KLHL5: variants seen among roughly 807,000 people sequenced by gnomAD.
The protein encoded by KLHL5 is kelch like family member 5.
A neutral mutation model predicts 77.7 loss-of-function variants in KLHL5; 48 were observed. That is an observed-to-expected ratio of 0.62 (90% confidence interval 0.49 to 0.79). KLHL5 has a LOEUF of 0.79. Among genes scored for constraint, KLHL5 ranks in the 30% least tolerant of loss-of-function variants. The pLI is 0.00. For synonymous variants in KLHL5, 260 were observed against 297.0 expected (o/e 0.88, Z 1.28); for missense variants, 723 against 859.7 (o/e 0.84, Z 1.99).
the KLHL5 span, among the ~76,000 whole-genome samples, chr4:39,139,622 G>A: frequency 6.6e-6 from 1 of 152,134 alleles, no homozygotes; most frequent in African/African-American, 2.4e-5. Flanking sequence ...AACGGGGGAA[G>A]GCTATGCATG....
At position 39,097,913 on chromosome 4, in the gene KLHL5, T is replaced by C. The variant is rs573072451; in HGVS notation, c.1300+1035T>C. 4.6e-5 allele frequency among the ~76,000 whole-genome samples: 7 copies of C among 152,100 alleles called. No homozygotes were observed. The East Asian group carries it at 1.4e-3, about 30-fold the overall frequency. Reference sequence around the variant, plus strand: ...TGGGAGGCCGAGGTGGGTGGATTGCTTAAGGTCAGGAGTTTAAGACCAGCA... The same window carrying C: ...TGGGAGGCCGAGGTGGGTGGATTGCCTAAGGTCAGGAGTTTAAGACCAGCA... On this transcript the variant is annotated intron_variant, in intron 6 of 10. Transcript: ENST00000504108.
At chr4:39,052,961 A>C (rs1180164963) in intron 1 of KLHL5, among the ~76,000 whole-genome samples, 1 of 151,774 alleles carries the variant, frequency 6.6e-6, no homozygotes, top group African/African-American at 2.4e-5. Flanking sequence ...GATCTCCACT[A>C]ATCTCCATTT....
intron 1 of KLHL5, among the ~76,000 whole-genome samples, chr4:39,057,200 T>A (rs1717063443): frequency 1.3e-5 from 2 of 152,216 alleles, no homozygotes; most frequent in Admixed American, 1.3e-4. Flanking sequence ...ATTCATTTTT[T>A]AAAATTTAAA....
chr4:39,128,805 G>GT (rs1723676085), downstream of KLHL5, among the ~76,000 whole-genome samples: 1 of 151,916 alleles, frequency 6.6e-6, no homozygotes, highest in African/African-American at 2.4e-5. Context: ...CTACAAATAT[G>GT]TTTTTTAAAA....
the KLHL5 span, among the ~76,000 whole-genome samples, chr4:39,136,493 G>T: frequency 2.0e-5 from 3 of 152,272 alleles, no homozygotes; most frequent in African/African-American, 7.2e-5. Flanking sequence ...AAGCCATTAG[G>T]TAGTGTATAG....
At chr4:39,109,409 C>T (rs1301232317) in intron 8 of KLHL5, among the ~76,000 whole-genome samples, 1 of 152,096 alleles carries the variant, frequency 6.6e-6, no homozygotes, top group Non-Finnish European at 1.5e-5. Context: ...AGCGGTTCTC[C>T]TGCTTCAGCC....
chr4:39,045,031 C>G (rs76308346), upstream of KLHL5: 498,499 of 993,962 alleles, frequency 0.5, 128,316 homozygotes, highest in Admixed American at 0.55. Flanking sequence ...CCCCCGCCTC[C>G]CCCGCTCCTC....
chr4:39,071,332 TAG>T (rs1718454468), intron 1 of KLHL5, among the ~76,000 whole-genome samples: 1 of 151,846 alleles, frequency 6.6e-6, no homozygotes, highest in African/African-American at 2.4e-5. Context: ...CCAGACTATT[TAG>T]AGTTTCGGAA....
At chr4:39,099,676 G>T (rs1305842754) in intron 6 of KLHL5, among the ~76,000 whole-genome samples, 2 of 152,122 alleles carry the variant, frequency 1.3e-5, no homozygotes, top group Admixed American at 1.3e-4. Context: ...TCAAATGTCA[G>T]CTTACCAAGG....
At chr4:39,096,038 A>C (rs1425510315) in intron 5 of KLHL5, among the ~76,000 whole-genome samples, 1 of 151,988 alleles carries the variant, frequency 6.6e-6, no homozygotes, top group African/African-American at 2.4e-5. Context: ...AAAGATTTTT[A>C]ATTTTTTTTG....
chr4:39,076,795 A>G (rs1441994528), intron 2 of KLHL5, among the ~76,000 whole-genome samples: 2 of 148,572 alleles, frequency 1.3e-5, no homozygotes, highest in African/African-American at 5.0e-5. Context: ...ACTGTGTCCC[A>G]AAGGTTTTTT....
chr4:39,128,607 A>G (rs190464008), downstream of KLHL5, among the ~76,000 whole-genome samples: 4 of 152,346 alleles, frequency 2.6e-5, no homozygotes, highest in East Asian at 7.7e-4. Flanking sequence ...CCAGCAGAAT[A>G]AATAAAGTAA....
At chr4:39,098,101 A>C (rs1721229600) in intron 6 of KLHL5, among the ~76,000 whole-genome samples, 1 of 145,872 alleles carries the variant, frequency 6.9e-6, no homozygotes. Flanking sequence ...GCACCACTGC[A>C]CTCCAGCCTG....
chr4:39,103,410 G>A lies in KLHL5; in HGVS notation c.1424G>A (p.Gly475Glu), dbSNP rs1175780371. Residue 475 changes from glycine to glutamate, a missense_variant, in exon 7 of 11, where the codon GGA becomes GAA. By Grantham distance (98) the Gly-to-Glu change is moderately conservative. Transcript: ENST00000504108. The part of the protein sequence containing the change: ...VLDDKLYVVG[G>E]RDGLKTLNTV... Reference sequence around the variant, plus strand: ...GATGACAAACTGTATGTGGTTGGAGGAAGAGATGGACTGAAGACTTTGAAT... The same window carrying A: ...GATGACAAACTGTATGTGGTTGGAGAAAGAGATGGACTGAAGACTTTGAAT... 6.2e-7 allele frequency: 1 copy of A among 1,614,082 alleles called. No homozygotes were observed. Among genetic ancestry groups the A allele is most frequent in the Non-Finnish European group, 8.5e-7 (1 of 1,180,022 alleles).
At chr4:39,067,196 G>C (rs1042317073) in intron 1 of KLHL5, among the ~76,000 whole-genome samples, 5 of 152,128 alleles carry the variant, frequency 3.3e-5, no homozygotes, top group African/African-American at 1.2e-4. Flanking sequence ...CCTCCTCTTG[G>C]CTGTGACAGT....
chr4:39,054,168 A>G (rs1294327051), intron 1 of KLHL5, among the ~76,000 whole-genome samples: 1 of 152,104 alleles, frequency 6.6e-6, no homozygotes, highest in Non-Finnish European at 1.5e-5. Flanking sequence ...CAAGTCAACT[A>G]TACTCTCAAT....
chr4:39,118,740 G>A (rs1723021427), intron 10 of KLHL5, among the ~76,000 whole-genome samples: 1 of 151,456 alleles, frequency 6.6e-6, no homozygotes, highest in African/African-American at 2.4e-5. Context: ...TGGGTGACAA[G>A]AGCAAAACTC....
chr4:39,085,043 A>G (rs976381451), intron 4 of KLHL5, among the ~76,000 whole-genome samples: 1 of 152,220 alleles, frequency 6.6e-6, no homozygotes, highest in Non-Finnish European at 1.5e-5. Context: ...GGTTTAAATT[A>G]CAAGTGGGAT....
intron 1 of KLHL5, chr4:39,063,550 C>G (rs1560408798): frequency 1.1e-5 from 5 of 440,564 alleles, no homozygotes; most frequent in South Asian, 8.1e-5. Flanking sequence ...GGTTATTTCT[C>G]TTTGTCCTGT....
Sources: gnomAD v4.1 joint callset for allele counts (sites outside exome capture counted in the v4.1 genomes callset) on GRCh38, gnomAD v4.1.1 for gene constraint, MANE v1.5 for transcripts, NCBI Gene and HGNC (gene_info 2026-07-23, HGNC 2026-07-21) for gene names.